The following MYLK variants were observed in gnomAD, a reference collection of about 807,000 sequenced individuals.
MYLK encodes myosin light chain kinase, smooth muscle.
In MYLK, 106 loss-of-function variants were observed where a neutral mutation model predicts 203.4. The observed-to-expected ratio is 0.52, with a 90% CI of 0.45 to 0.61. MYLK has a LOEUF of 0.61. Among genes scored for constraint, MYLK ranks in the 20% least tolerant of loss-of-function variants. MYLK has a pLI of 0.00. For missense variants in MYLK, 2,072 were observed against 2,442.3 expected, an observed-to-expected ratio of 0.85 and a Z score of 3.20; for synonymous variants, 867 against 959.5, an observed-to-expected ratio of 0.90 and a Z score of 1.78.
At chr3:123,662,126 G>T (rs1275937273) in intron 23 of MYLK, among the ~76,000 whole-genome samples, 1 of 152,192 alleles carries the variant, frequency 6.6e-6, no homozygotes, top group Non-Finnish European at 1.5e-5. Context: ...CTGGCATGTG[G>T]ACAGCTCCCC....
intron 2 of MYLK, among the ~76,000 whole-genome samples, chr3:123,856,947 C>T (rs1577133514): frequency 6.6e-6 from 1 of 151,838 alleles, no homozygotes; most frequent in South Asian, 2.1e-4. Context: ...AACAAATTTA[C>T]AAGAAAAAAA....
At chr3:123,671,005 C>A (rs984778879) in intron 20 of MYLK, among the ~76,000 whole-genome samples, 3 of 152,198 alleles carry the variant, frequency 2.0e-5, no homozygotes, top group African/African-American at 7.2e-5. Flanking sequence ...CCAGCTCTTG[C>A]GGGACAGATC....
rs774509078 is a variant in MYLK, at chr3:123,618,788, A to C, written c.5369-18T>G. 1.2e-6 allele frequency: 2 copies of C among 1,613,900 alleles called. No individual in the cohort carries two copies. Among genetic ancestry groups the C allele is most frequent in the Admixed American group, 1.7e-5 (1 of 60,022 alleles). ...CACATCTTCTAGAAGACAGAGAAGA[A>C]GACCAGGTCATTTCTTCACTCGTTG... On this transcript the variant is annotated intron_variant, in intron 32 of 33. Coordinates refer to ENST00000360304, the MANE Select transcript of MYLK (RefSeq NM_053025.4).
chr3:123,692,589 T>C lies in MYLK; in HGVS notation c.3565+146A>G, dbSNP rs563848509. ...TCTCTTTTTCTTTTGGCAAAAGATA[T>C]TCATTCATCCAAAATGAATGCCTTT... is the stretch of plus-strand genomic sequence containing the variant. On this transcript the variant is annotated intron_variant, in intron 19 of 33. Transcript: ENST00000360304. 2.1e-5 allele frequency: 18 copies of C among 849,408 alleles called. No homozygotes were observed. The South Asian group carries it at 2.4e-4, about 11-fold the overall frequency. The allele number at this position is 849,408 out of a possible 1,614,324, so 52.6% of individuals were successfully genotyped here. A position where few individuals can be genotyped will look rare whatever the true frequency, so the allele number is the denominator to read the frequency against.
chr3:123,841,166 T>C (rs539812913), intron 2 of MYLK, among the ~76,000 whole-genome samples: 191 of 152,140 alleles, frequency 1.3e-3, no homozygotes, highest in Non-Finnish European at 2.3e-3. Flanking sequence ...GGTAGATTCT[T>C]AAAACCACAA....
At chr3:123,751,734 A>G (rs948575866) in intron 5 of MYLK, among the ~76,000 whole-genome samples, 6 of 152,164 alleles carry the variant, frequency 3.9e-5, no homozygotes, top group Admixed American at 3.9e-4. Context: ...GTGAGATGGT[A>G]ATACGTCCTA....
intron 18 of MYLK, among the ~76,000 whole-genome samples, chr3:123,699,311 C>T (rs1290406898): frequency 6.6e-6 from 1 of 152,176 alleles, no homozygotes; most frequent in East Asian, 1.9e-4. Flanking sequence ...AAAGTCCACA[C>T]AGATGGAAGG....
intron 3 of MYLK, among the ~76,000 whole-genome samples, chr3:123,807,549 CTGAG>C (rs2065414983): frequency 6.6e-6 from 1 of 152,166 alleles, no homozygotes; most frequent in Non-Finnish European, 1.5e-5. Flanking sequence ...ATGACATCTG[CTGAG>C]TATGAATTTG....
chr3:123,611,486 CAT>C lies in MYLK; in HGVS notation c.*2617_*2618del, dbSNP rs766327528. Reference sequence around the variant, plus strand: ...TGATAATGTCACATGTTAAAAATGTCATATAGATTTTAGCATCTTGAGGACCT... The same window carrying C: ...TGATAATGTCACATGTTAAAAATGTCATAGATTTTAGCATCTTGAGGACCT... On this transcript the variant is annotated 3_prime_UTR_variant, in exon 34 of 34. Transcript: ENST00000360304. 2.0e-5 allele frequency: 3 copies of C among 151,916 alleles called. No individual in the cohort carries two copies. The highest frequency in any genetic ancestry group is 2.9e-5 in the Non-Finnish European group (2 of 68,034). 9.4% of individuals were successfully genotyped at this position (151,916 alleles called of 1,614,324 possible).
intron 13 of MYLK, among the ~76,000 whole-genome samples, chr3:123,720,866 A>T (rs1236463042): frequency 6.6e-6 from 1 of 152,142 alleles, no homozygotes; most frequent in Non-Finnish European, 1.5e-5. Flanking sequence ...TGCCCAGCCC[A>T]CAGTGGCCAG....
chr3:123,721,554 T>C (rs2062087331), intron 13 of MYLK, among the ~76,000 whole-genome samples: 1 of 151,972 alleles, frequency 6.6e-6, no homozygotes, highest in African/African-American at 2.4e-5. Flanking sequence ...TGCTGATGTG[T>C]AAAAACAAGC....
At chr3:123,796,766 A>G (rs1183694108) in intron 3 of MYLK, among the ~76,000 whole-genome samples, 1 of 152,242 alleles carries the variant, frequency 6.6e-6, no homozygotes, top group Non-Finnish European at 1.5e-5. Context: ...GAAACATAAC[A>G]TATACTGCTG....
chr3:123,873,844 A>G lies in MYLK; in HGVS notation c.-127+2715T>C, dbSNP rs952984614. On this transcript the variant is annotated intron_variant, in intron 2 of 33. Transcript: ENST00000360304. ...TCCATTAAAATACTAAATCAATTGT[A>G]GTTATAAATACTAGCAATGAACAAT... 6.6e-5 allele frequency among the ~76,000 whole-genome samples: 10 copies of G among 152,276 alleles called. No individual in the cohort carries two copies. The South Asian group carries it at 1.9e-3, about 28-fold the overall frequency.
chr3:123,692,701 G>T (rs753151445), intron 19 of MYLK, 34 bp downstream of exon 19: 9 of 1,518,770 alleles, frequency 5.9e-6, no homozygotes, highest in South Asian at 5.6e-5. Flanking sequence ...GGACCCCTGT[G>T]TATGGGTGGC....
chr3:123,666,920 GAC>G, intron 21 of MYLK: 1 of 614,006 alleles, frequency 1.6e-6, no homozygotes, highest in Non-Finnish European at 2.9e-6. Context: ...CAGATGGAAA[GAC>G]AAAGCTGTGG....
At chr3:123,753,846 G>A (rs562178877) in intron 4 of MYLK, among the ~76,000 whole-genome samples, 2 of 152,308 alleles carry the variant, frequency 1.3e-5, no homozygotes, top group South Asian at 4.1e-4. Flanking sequence ...AACAGTGGTA[G>A]CAATAGTTTT....
intron 3 of MYLK, among the ~76,000 whole-genome samples, chr3:123,820,660 T>C (rs1031913042): frequency 1.6e-4 from 24 of 150,246 alleles, no homozygotes; most frequent in Admixed American, 5.3e-4. Flanking sequence ...CCTTCCTTCC[T>C]TCCCTCCTTC....
chr3:123,768,214 T>C (rs2063765821), intron 4 of MYLK, among the ~76,000 whole-genome samples: 1 of 152,358 alleles, frequency 6.6e-6, no homozygotes, highest in South Asian at 2.1e-4. Context: ...CAAAGCCGTT[T>C]TCTGTCTTAA....
intron 18 of MYLK, among the ~76,000 whole-genome samples, chr3:123,699,586 T>C (rs1480697428): frequency 2.6e-5 from 4 of 152,182 alleles, no homozygotes; most frequent in African/African-American, 9.7e-5. Flanking sequence ...TCTAAACAGC[T>C]CTTTACTCAG....
Sources: gnomAD v4.1 joint callset for allele counts (sites outside exome capture counted in the v4.1 genomes callset) on GRCh38, gnomAD v4.1.1 for gene constraint, MANE v1.5 for transcripts, NCBI Gene and HGNC (gene_info 2026-07-23, HGNC 2026-07-21) for gene names.